Variants in EHMT1 observed in about 807,000 individuals in gnomAD.
EHMT1 encodes the protein euchromatic histone lysine methyltransferase 1.
Under a neutral mutation model 147.2 loss-of-function variants are expected in EHMT1, and 15 were observed. That is an observed-to-expected ratio of 0.10 (90% confidence interval 0.07 to 0.16). The LOEUF is 0.16. Among genes scored for constraint, EHMT1 ranks in the 10% least tolerant of loss-of-function variants. The probability of loss-of-function intolerance (pLI) is 1.00; values close to 1 mark genes in which losing one functional copy is unlikely to be tolerated. For synonymous variants in EHMT1, 795 were observed against 709.6 expected, an observed-to-expected ratio of 1.12 and a Z score of -1.91; for missense variants, 1,587 against 1,772.4, an observed-to-expected ratio of 0.90 and a Z score of 1.88.
chr9:137,624,830 C>CT (rs1843153950), intron 1 of EHMT1, among the ~76,000 whole-genome samples: 1 of 151,680 alleles, frequency 6.6e-6, no homozygotes, highest in African/African-American at 2.4e-5. Flanking sequence ...ACTCGGCCTC[C>CT]TGAAGTTCTG....
At chr9:137,665,833 G>A (rs1360811001) in intron 1 of EHMT1, 1 of 152,268 alleles carries the variant, frequency 6.6e-6, no homozygotes, top group Non-Finnish European at 1.5e-5. Context: ...TTCCGAGGAG[G>A]CCTGGAGGTG....
intron 4 of EHMT1, among the ~76,000 whole-genome samples, chr9:137,735,100 TA>T (rs1452499169): frequency 6.6e-6 from 1 of 152,260 alleles, no homozygotes; most frequent in African/African-American, 2.4e-5. Flanking sequence ...CAAATCCGTT[TA>T]AAAAATTAGT....
chr9:137,763,161 G>A (rs1949964929), intron 10 of EHMT1: 1 of 470,664 alleles, frequency 2.1e-6, no homozygotes, highest in Admixed American at 3.7e-5. Context: ...TCACACCAAG[G>A]TGAGTCCAGA....
rs1365398018 is a variant in EHMT1 at position 137,776,467 on chromosome 9, T to C, written c.1792-151T>C. 1 of 701,858 alleles carries C rather than the reference T, an allele frequency of 1.4e-6. No individual in the cohort carries two copies. The highest frequency in any genetic ancestry group is 2.5e-6 in the Non-Finnish European group (1 of 405,904). 43.5% of individuals were successfully genotyped at this position (701,858 alleles called of 1,614,324 possible). On this transcript the variant is annotated intron_variant, in intron 11 of 26. Coordinates refer to ENST00000460843, the MANE Select transcript of EHMT1 (RefSeq NM_024757.5). This position sits in a 1 kb window ranked among gnomAD's most constrained non-coding sequence, Gnocchi z 4.4. ...AAGCATCGTTCCTCCTTCTTAACGA[T>C]GCCTGGGGCCAAGACTGGACCCCAC...
At chr9:137,703,135 C>G (rs1367906894) in intron 1 of EHMT1, among the ~76,000 whole-genome samples, 1 of 152,214 alleles carries the variant, frequency 6.6e-6, no homozygotes, top group African/African-American at 2.4e-5. Context: ...ATGCCGGACA[C>G]CATGTACTGA....
In EHMT1 at chr9:137,813,075, G is replaced by A. The variant is rs564664932; in HGVS notation, c.2937G>A (p.Ala979=). ...AAGGAGAGACGCCCCTGCAGTGTGC[G>A]AGCCTCAACTCTCAGGTGTGGAGCG... ...NKEGETPLQC[A]SLNSQVWSAL... The change falls in exon 20 of 27, where the codon GCG becomes GCA. Residue 979 remains alanine, a synonymous_variant. Coordinates refer to ENST00000460843, the MANE Select transcript of EHMT1 (RefSeq NM_024757.5). The surrounding 1 kb of genome is among the most constrained non-coding windows in gnomAD (Gnocchi z 4.9). 17 of 1,613,774 alleles carry A rather than the reference G, an allele frequency of 1.1e-5. No homozygotes were observed. The South Asian group carries it at 1.2e-4, about 11-fold the overall frequency.
chr9:137,697,961 G>A (rs898873823), intron 1 of EHMT1, among the ~76,000 whole-genome samples: 7 of 150,978 alleles, frequency 4.6e-5, no homozygotes, highest in East Asian at 3.9e-4. Flanking sequence ...GGCGTGGCTC[G>A]CGGAGGCCTC....
At chr9:137,694,620 G>A (rs1385824057) in intron 1 of EHMT1, among the ~76,000 whole-genome samples, 1 of 152,232 alleles carries the variant, frequency 6.6e-6, no homozygotes, top group Admixed American at 6.5e-5. Flanking sequence ...ATGTTTTCCA[G>A]TTTCACTTGG....
Position 137,834,826 on chromosome 9 carries a change from G to A in EHMT1, c.3770G>A (p.Arg1257His). Residue 1257 changes from arginine (R) to histidine (H), a missense_variant, in exon 27 of 27, where the codon CGC (arginine) becomes CAC (histidine). Around this residue, in one of 7 missense-constraint regions of EHMT1, gnomAD observed 141 missense variants for 150.8 expected, o/e 0.94. Coordinates refer to ENST00000460843, the MANE Select transcript of EHMT1 (RefSeq NM_024757.5). Reference sequence around the variant, plus strand: ...ATCAAAGGCAAGCTCTTCAGCTGCCGCTGCGGCTCCCCCAAGTGCCGGCAC... The same window carrying A: ...ATCAAAGGCAAGCTCTTCAGCTGCCACTGCGGCTCCCCCAAGTGCCGGCAC... ...WDIKGKLFSC[R>H]CGSPKCRHSS... 3.1e-6 allele frequency: 5 copies of A among 1,612,672 alleles called. No homozygotes were observed. The highest frequency in any genetic ancestry group is 3.4e-6 in the Non-Finnish European group (4 of 1,179,658).
intron 1 of EHMT1, among the ~76,000 whole-genome samples, chr9:137,671,520 C>CTT (rs71493689): frequency 0.016 from 1,731 of 105,248 alleles, 48 homozygotes; most frequent in African/African-American, 0.039. Context: ...CCTTTTCTTT[C>CTT]TTTTTTTTTT....
chr9:137,717,035 A>T lies in EHMT1; in HGVS notation c.495A>T (p.Pro165=). Reference sequence around the variant, plus strand: ...GAGGGGCTGGCAAAGGCAGGACTCCAAGCGCTTTTCCCCAGACGCCAGCCG... The same window carrying T: ...GAGGGGCTGGCAAAGGCAGGACTCCTAGCGCTTTTCCCCAGACGCCAGCCG... ...LPGGAGKGRT[P]SAFPQTPAAP... is the part of the protein sequence containing the mutation. Residue 165 remains proline, a synonymous_variant, in exon 3 of 27, where the codon CCA becomes CCT. Transcript: ENST00000460843. 6.2e-7 allele frequency: 1 copy of T among 1,607,254 alleles called. No homozygotes were observed. The highest frequency in any genetic ancestry group is 1.1e-5 in the South Asian group (1 of 90,918).
chr9:137,757,841 G>T, intron 8 of EHMT1, 39 bp from the exon 9 acceptor site: 1 of 1,612,304 alleles, frequency 6.2e-7, no homozygotes. Flanking sequence ...GCGGCCGCCT[G>T]GGTGCGTGGT....
intron 16 of EHMT1, among the ~76,000 whole-genome samples, chr9:137,791,809 G>A (rs1952546253): frequency 6.6e-6 from 1 of 152,158 alleles, no homozygotes; most frequent in Non-Finnish European, 1.5e-5. Flanking sequence ...TCGGCCTACT[G>A]CAACCTCCAC....
chr9:137,753,804 G>A (rs1349269772), intron 7 of EHMT1, among the ~76,000 whole-genome samples: 7 of 152,184 alleles, frequency 4.6e-5, no homozygotes, highest in East Asian at 1.9e-4. Flanking sequence ...CAAGCCGAGC[G>A]TTGATTGTCC....
At chr9:137,798,178 T>C (rs933569553) in intron 16 of EHMT1, among the ~76,000 whole-genome samples, 12 of 152,064 alleles carry the variant, frequency 7.9e-5, no homozygotes, top group African/African-American at 2.7e-4. Flanking sequence ...AGTGGGAGGA[T>C]TGCTTGGGGT....
At chr9:137,645,280 G>T (rs927958489) in intron 1 of EHMT1, among the ~76,000 whole-genome samples, 1 of 152,266 alleles carries the variant, frequency 6.6e-6, no homozygotes, top group African/African-American at 2.4e-5. Flanking sequence ...GCCGGAATTG[G>T]CTTGCGCCTT....
In EHMT1 at chr9:137,779,225, A is replaced by G. The variant is rs1372435767; in HGVS notation, c.2193-410A>G. Among the ~76,000 whole-genome samples, 3 of 152,368 alleles carry G rather than the reference A, an allele frequency of 2.0e-5. No homozygotes were observed. In the East Asian group the frequency reaches 5.8e-4, roughly 29 times the overall value. On this transcript the variant is annotated intron_variant, in intron 13 of 26. Transcript: ENST00000460843. ...TCTCACCGCCCAGGACATCTTCTGT[A>G]GTGCGAGCTGTGCCCTCACTCGTGA...
intron 21 of EHMT1, chr9:137,814,155 G>A: frequency 1.9e-6 from 1 of 514,692 alleles, no homozygotes; most frequent in Admixed American, 3.1e-5. Context: ...CCGCCGCCCA[G>A]CCCTTCACCC....
chr9:137,673,905 AGTCTGTGG>A (rs1457693182), intron 1 of EHMT1, among the ~76,000 whole-genome samples: 4 of 152,204 alleles, frequency 2.6e-5, no homozygotes, highest in African/African-American at 4.8e-5. Context: ...AGGACCTGAG[AGTCTGTGG>A]GTCCCTCCTA....
Sources: allele counts gnomAD v4.1 joint callset (sites outside exome capture counted in the v4.1 genomes callset), GRCh38; gene constraint gnomAD v4.1.1; regional missense constraint gnomAD v4.1.1; non-coding constraint Gnocchi (gnomAD v3.1); transcripts MANE v1.5; gene names NCBI Gene and HGNC (gene_info 2026-07-23, HGNC 2026-07-21).